The following HS6ST3 variants were observed in gnomAD, a reference collection of about 807,000 sequenced individuals.
HS6ST3 encodes the protein heparan-sulfate 6-O-sulfotransferase 3.
In HS6ST3, 12 loss-of-function variants were observed where a neutral mutation model predicts 36.7. The observed-to-expected ratio is 0.33, with a 90% CI of 0.21 to 0.53. The LOEUF is 0.53. HS6ST3 is among the 20% of genes least tolerant of loss of function. The pLI is 0.95. For missense variants in HS6ST3, 584 were observed against 640.9 expected, an observed-to-expected ratio of 0.91 and a Z score of 0.96; for synonymous variants, 240 against 257.5, an observed-to-expected ratio of 0.93 and a Z score of 0.65.
intron 1 of HS6ST3, among the ~76,000 whole-genome samples, chr13:96,223,467 G>C (rs2054465307): frequency 1.3e-5 from 2 of 152,310 alleles, no homozygotes; most frequent in East Asian, 1.9e-4. Flanking sequence ...GCTAATTTCA[G>C]CTTCGGTGTT....
chr13:96,779,889 T>C (rs1877482700), intron 1 of HS6ST3, among the ~76,000 whole-genome samples: 1 of 152,150 alleles, frequency 6.6e-6, no homozygotes, highest in African/African-American at 2.4e-5. Context: ...GAAGTCAAGA[T>C]AGGTCATAAC....
intron 1 of HS6ST3, among the ~76,000 whole-genome samples, chr13:96,139,567 A>AAAAAAAAAAAAAAAAAT (rs1491242538): frequency 7.2e-5 from 10 of 138,748 alleles, no homozygotes; most frequent in African/African-American, 2.5e-4. Flanking sequence ...AAAAAAAAAA[A>AAAAAAAAAAAAAAAAAT]TCCATGTATA....
chr13:96,136,719 A>ATATATATATATATATATAT (rs2054004296), intron 1 of HS6ST3, among the ~76,000 whole-genome samples: 1 of 136,764 alleles, frequency 7.3e-6, no homozygotes, highest in Non-Finnish European at 1.6e-5. Context: ...ATATATATAT[A>ATATATATATATATATATAT]GTAAAATGGT....
intron 1 of HS6ST3, among the ~76,000 whole-genome samples, chr13:96,537,577 A>T (rs2056160834): frequency 6.6e-6 from 1 of 152,132 alleles, no homozygotes; most frequent in Non-Finnish European, 1.5e-5. Flanking sequence ...TTTCCCTAAA[A>T]CTTCTAAGAT....
At chr13:96,183,637 C>A (rs1165606249) in intron 1 of HS6ST3, among the ~76,000 whole-genome samples, 1 of 152,114 alleles carries the variant, frequency 6.6e-6, no homozygotes, top group Non-Finnish European at 1.5e-5. Context: ...TATGGATGAA[C>A]CTTGAGCACA....
intron 1 of HS6ST3, among the ~76,000 whole-genome samples, chr13:96,266,046 T>C (rs1355436566): frequency 3.3e-5 from 5 of 150,988 alleles, no homozygotes; most frequent in African/African-American, 1.2e-4. Context: ...TGCAGGGTTA[T>C]TTTTTTTTAA....
chr13:96,289,850 G>T (rs975961726), intron 1 of HS6ST3, among the ~76,000 whole-genome samples: 1 of 152,112 alleles, frequency 6.6e-6, no homozygotes, highest in Non-Finnish European at 1.5e-5. Flanking sequence ...TATCTGTGAG[G>T]TGCAAACCCA....
At chr13:96,457,627 T>C (rs370440386) in intron 1 of HS6ST3, among the ~76,000 whole-genome samples, 1 of 152,128 alleles carries the variant, frequency 6.6e-6, no homozygotes. Flanking sequence ...TGTTCCTCTT[T>C]AGGGAAATTC....
chr13:96,584,141 G>T (rs1389088007), intron 1 of HS6ST3, among the ~76,000 whole-genome samples: 10 of 152,038 alleles, frequency 6.6e-5, no homozygotes, highest in Admixed American at 5.2e-4. Flanking sequence ...CTTTTTGTTT[G>T]TTTTTTGTTT....
intron 1 of HS6ST3, among the ~76,000 whole-genome samples, chr13:96,538,443 A>C (rs1486309262): frequency 2.6e-5 from 4 of 152,108 alleles, no homozygotes; most frequent in African/African-American, 4.8e-5. Context: ...AGCACATGAA[A>C]ATTTATTTAT....
At chr13:96,238,321 A>C (rs2054544290) in intron 1 of HS6ST3, among the ~76,000 whole-genome samples, 1 of 152,104 alleles carries the variant, frequency 6.6e-6, no homozygotes, top group Non-Finnish European at 1.5e-5. Flanking sequence ...CCCTTACTTG[A>C]ACTAACTCTC....
At chr13:96,116,108 A>C (rs112546451) in intron 1 of HS6ST3, among the ~76,000 whole-genome samples, 2,600 of 152,298 alleles carry the variant, frequency 0.017, 65 homozygotes, top group African/African-American at 0.06. Flanking sequence ...TCTGGAAAAC[A>C]AGACAATAGA....
At chr13:96,389,212 A>G (rs1476105397) in intron 1 of HS6ST3, among the ~76,000 whole-genome samples, 3 of 152,142 alleles carry the variant, frequency 2.0e-5, no homozygotes, top group African/African-American at 7.2e-5. Context: ...ACTGTGGTTA[A>G]CAAAACTGTA....
intron 1 of HS6ST3, among the ~76,000 whole-genome samples, chr13:96,117,519 A>C (rs191556146): frequency 6.6e-6 from 1 of 152,302 alleles, no homozygotes; most frequent in Non-Finnish European, 1.5e-5. Context: ...CAAGAATCAG[A>C]AAGAGATAAG....
At position 96,091,031 on chromosome 13, in the gene HS6ST3, C is replaced by G; in HGVS notation, c.169C>G (p.Arg57Gly). The G allele has an allele frequency of 4.0e-6, 5 of 1,244,872 alleles. No individual in the cohort carries two copies. Among genetic ancestry groups the G allele is most frequent in the Non-Finnish European group, 5.0e-6 (5 of 993,802 alleles). 77.1% of individuals were successfully genotyped at this position (1,244,872 alleles called of 1,614,324 possible). ...GPPAVPGPAR[R>G]AQAPPEEWER... ...GCCCGCCGTCCCGGGTCCCGCCCGC[C>G]GGGCTCAGGCGCCGCCGGAGGAGTG... Residue 57 changes from arginine (R) to glycine (G), a missense_variant, in exon 1 of 2, where the codon CGG becomes GGG. Transcript: ENST00000376705.
Position 96,297,596 on chromosome 13 carries a change from C to A in HS6ST3, c.707+206027C>A, listed in dbSNP as rs559585817. Among the ~76,000 whole-genome samples the A allele has an allele frequency of 3.3e-5, 5 of 152,230 alleles. 1 individual carries two copies. The highest frequency in any genetic ancestry group is 1.2e-4 in the African/African-American group (5 of 41,550). On this transcript the variant is annotated intron_variant, in intron 1 of 1. Coordinates refer to ENST00000376705, the MANE Select transcript of HS6ST3 (RefSeq NM_153456.4). ...CCTGAGTGGTCCCTGCAAATGGAAT[C>A]ATTCTCTGTGCCCTTGTTTTGCTTA...
chr13:96,524,982 A>G (rs570197282), intron 1 of HS6ST3, among the ~76,000 whole-genome samples: 30 of 152,360 alleles, frequency 2.0e-4, no homozygotes, highest in African/African-American at 6.5e-4. Context: ...CTATTCGGCC[A>G]TCTTGGAAGT....
intron 1 of HS6ST3, among the ~76,000 whole-genome samples, chr13:96,736,461 A>T (rs1413155038): frequency 6.6e-6 from 1 of 152,208 alleles, no homozygotes; most frequent in Non-Finnish European, 1.5e-5. Flanking sequence ...TAGTATCAAA[A>T]TTCATTATAA....
rs184998930 is a variant in HS6ST3 at position 96,333,876 on chromosome 13, G to A, written c.707+242307G>A. Among the ~76,000 whole-genome samples, 53 of 152,248 alleles carry A rather than the reference G, an allele frequency of 3.5e-4. 1 individual carries two copies. Among genetic ancestry groups the A allele is most frequent in the Admixed American group, 1.6e-3 (24 of 15,296 alleles). On this transcript the variant is annotated intron_variant, in intron 1 of 1. Transcript: ENST00000376705. Reference sequence around the variant, plus strand: ...GCATCAAGGGACAGGGTAACAGCAAGCTGGAGCTCCAGGGGGAAGCTTATA... The same window carrying A: ...GCATCAAGGGACAGGGTAACAGCAAACTGGAGCTCCAGGGGGAAGCTTATA...
Sources: allele counts gnomAD v4.1 joint callset (sites outside exome capture counted in the v4.1 genomes callset), GRCh38; gene constraint gnomAD v4.1.1; transcripts MANE v1.5; gene names NCBI Gene and HGNC (gene_info 2026-07-23, HGNC 2026-07-21).